The following PDE3B variants were observed in gnomAD, a reference collection of about 807,000 sequenced individuals.
PDE3B encodes the protein cGMP-inhibited 3',5'-cyclic phosphodiesterase 3B.
In PDE3B, 66 loss-of-function variants were observed where a neutral mutation model predicts 116.8. The ratio of observed to expected loss-of-function variants is 0.56; its 90% CI spans 0.46 to 0.69. PDE3B has a LOEUF of 0.69. PDE3B is among the 30% of genes least tolerant of loss of function. The pLI is 0.00. For missense variants in PDE3B, 1,384 were observed against 1,368.1 expected (o/e 1.01, Z -0.18); for synonymous variants, 595 against 533.6 (o/e 1.12, Z -1.59).
intron 1 of PDE3B, among the ~76,000 whole-genome samples, chr11:14,661,123 G>A (rs1269082679): frequency 1.3e-5 from 2 of 152,184 alleles, no homozygotes; most frequent in South Asian, 2.1e-4. Context: ...ATTCCTCAGG[G>A]ATCTAGAACT....
chr11:14,851,854 C>G (rs1847760621), intron 12 of PDE3B, among the ~76,000 whole-genome samples: 1 of 152,102 alleles, frequency 6.6e-6, no homozygotes, highest in South Asian at 2.1e-4. Flanking sequence ...AAAGTCCTGT[C>G]TTAGATTTCT....
At chr11:14,723,317 T>C (rs192185332) in intron 1 of PDE3B, among the ~76,000 whole-genome samples, 16 of 152,312 alleles carry the variant, frequency 1.1e-4, no homozygotes, top group Non-Finnish European at 1.9e-4. Flanking sequence ...ATGCTGGAGA[T>C]ATAGTGGTGA....
intron 1 of PDE3B, among the ~76,000 whole-genome samples, chr11:14,735,995 T>TGA (rs924439121): frequency 1.1e-4 from 16 of 151,436 alleles, no homozygotes; most frequent in Admixed American, 7.9e-4. Flanking sequence ...TGTGTGTGTG[T>TGA]GACTCCTTAT....
In PDE3B at chr11:14,644,380, C is replaced by G. The variant is rs781358952; in HGVS notation, c.305C>G (p.Ala102Gly). 1.9e-6 allele frequency: 3 copies of G among 1,600,826 alleles called. No individual in the cohort carries two copies. The Admixed American group carries it at 5.1e-5, about 27-fold the overall frequency. The change falls in exon 1 of 16, where the codon GCT (alanine) becomes GGT (glycine). Residue 102 changes from alanine to glycine, a missense_variant. By Grantham distance (60) the Ala-to-Gly change is moderately conservative (BLOSUM62 0). Transcript: ENST00000282096. ...CTGGGCGCGGAACCCGAGAGCTGGG[C>G]TGCCGGGGCCGCCTGGCTGCGGACG... ...LLLGAEPESWAAGAAWLRTLL... is the reference protein window; with the variant it reads ...LLLGAEPESWGAGAAWLRTLL...
intron 14 of PDE3B, among the ~76,000 whole-genome samples, chr11:14,863,432 T>C (rs1555007567): frequency 6.6e-6 from 1 of 152,238 alleles, no homozygotes; most frequent in Non-Finnish European, 1.5e-5. Flanking sequence ...TGCATTTCTC[T>C]AATGACTACT....
chr11:14,859,510 C>T (rs1847908681), intron 13 of PDE3B, among the ~76,000 whole-genome samples: 2 of 152,058 alleles, frequency 1.3e-5, no homozygotes, highest in East Asian at 3.8e-4. Context: ...ATATTTTTCA[C>T]ATAGAAACAA....
intron 12 of PDE3B, among the ~76,000 whole-genome samples, chr11:14,854,737 G>C (rs574421204): frequency 1.3e-5 from 2 of 152,142 alleles, no homozygotes; most frequent in African/African-American, 4.8e-5. Context: ...GGATGGTCTC[G>C]ATCTCTTGAC....
the PDE3B span, chr11:14,879,066 T>C: frequency 3.5e-6 from 5 of 1,418,058 alleles, no homozygotes; most frequent in African/African-American, 1.4e-5. Context: ...TCTAATGAAT[T>C]ATCATTATCC....
chr11:14,761,594 C>T (rs1051393338), intron 1 of PDE3B, among the ~76,000 whole-genome samples: 7 of 152,042 alleles, frequency 4.6e-5, no homozygotes, highest in Non-Finnish European at 7.4e-5. Context: ...CTATTCAGAG[C>T]GTAAAACTTT....
intron 1 of PDE3B, among the ~76,000 whole-genome samples, chr11:14,654,829 CACAG>C (rs778206818): frequency 1.2e-4 from 18 of 144,486 alleles, no homozygotes; most frequent in Admixed American, 1.0e-3. Context: ...CACACACACA[CACAG>C]AGCTAGTGCA....
intron 4 of PDE3B, among the ~76,000 whole-genome samples, chr11:14,797,521 A>C (rs1270176431): frequency 6.6e-6 from 1 of 152,180 alleles, no homozygotes; most frequent in African/African-American, 2.4e-5. Context: ...TACTTTGGGC[A>C]GTATGGCCAT....
intron 7 of PDE3B, among the ~76,000 whole-genome samples, chr11:14,829,007 C>T (rs538184561): frequency 6.6e-5 from 10 of 152,056 alleles, no homozygotes; most frequent in Non-Finnish European, 1.5e-4. Context: ...GTGTCCTTTG[C>T]AGGGACATGG....
In PDE3B at chr11:14,721,889, G is replaced by A. The variant is rs369696065; in HGVS notation, c.979-50048G>A. Among the ~76,000 whole-genome samples, 222 of 122,878 alleles carry A rather than the reference G, an allele frequency of 1.8e-3. 1 individual carries two copies. Among genetic ancestry groups the A allele is most frequent in the Admixed American group, 2.1e-3 (24 of 11,546 alleles). The allele number at this position is 122,878 out of a possible 152,430, so 80.6% of individuals were successfully genotyped here. On this transcript the variant is annotated intron_variant, in intron 1 of 15. Transcript: ENST00000282096. ...ATGTATACATATGTAACTAACCTGC[G>A]CAATGTGCACATGTACCCTAAAACT...
intron 14 of PDE3B, among the ~76,000 whole-genome samples, chr11:14,861,806 G>A (rs1007774382): frequency 4.6e-5 from 7 of 152,182 alleles, no homozygotes; most frequent in African/African-American, 1.4e-4. Flanking sequence ...AAGGCCAGGC[G>A]GGCAACCTAA....
chr11:14,662,525 A>G (rs1006148259), intron 1 of PDE3B, among the ~76,000 whole-genome samples: 1 of 151,908 alleles, frequency 6.6e-6, no homozygotes, highest in Non-Finnish European at 1.5e-5. Context: ...ACAGGAAGAA[A>G]TTCAAACCAA....
rs952067371 is a variant in PDE3B at position 14,644,438 on chromosome 11, C to G, written c.363C>G (p.Pro121=). 1.2e-6 allele frequency: 2 copies of G among 1,612,886 alleles called. No individual in the cohort carries two copies. Among genetic ancestry groups the G allele is most frequent in the Admixed American group, 1.7e-5 (1 of 59,948 alleles). ...LLSVCSHSLS[P]LFSIACAFFF... is the part of the protein sequence containing the mutation. ...GCGTGTGTTCGCACAGCTTGAGCCC[C>G]CTCTTCAGCATCGCCTGTGCCTTCT... The change falls in exon 1 of 16, where the codon CCC becomes CCG. Residue 121 remains proline, a synonymous_variant. Coordinates refer to ENST00000282096, the MANE Select transcript of PDE3B (RefSeq NM_000922.4).
At chr11:14,748,797 C>T (rs1013915994) in intron 1 of PDE3B, among the ~76,000 whole-genome samples, 3 of 151,746 alleles carry the variant, frequency 2.0e-5, no homozygotes, top group African/African-American at 4.8e-5. Context: ...TGGTCTTTCT[C>T]GTCATTGTTG....
At chr11:14,855,931 A>C (rs17487995) in intron 12 of PDE3B, among the ~76,000 whole-genome samples, 4,108 of 152,318 alleles carry the variant, frequency 0.027, 65 homozygotes, top group Non-Finnish European at 0.035. Context: ...ATTTCAGCAG[A>C]AGAAGGGTGG....
At chr11:14,897,029 A>C in the PDE3B span, among the ~76,000 whole-genome samples, 3 of 152,224 alleles carry the variant, frequency 2.0e-5, no homozygotes, top group African/African-American at 7.2e-5. Context: ...GTCTGAGATC[A>C]TTTAGGGTAG....
Sources: allele counts gnomAD v4.1 joint callset (sites outside exome capture counted in the v4.1 genomes callset), GRCh38; gene constraint gnomAD v4.1.1; transcripts MANE v1.5; gene names NCBI Gene and HGNC (gene_info 2026-07-23, HGNC 2026-07-21).